The following LHFPL3 variants were observed in gnomAD, a reference collection of about 807,000 sequenced individuals.
LHFPL3 encodes the protein LHFPL tetraspan subfamily member 3.
Under a neutral mutation model 19.3 loss-of-function variants are expected in LHFPL3, and 5 were observed. The observed-to-expected ratio is 0.26, with a 90% CI of 0.14 to 0.54. The LOEUF (loss-of-function observed/expected upper bound fraction) is 0.54. Ranked by LOEUF, LHFPL3 falls within the 20% of genes least tolerant of loss-of-function variation. The pLI, the probability that LHFPL3 is intolerant of heterozygous loss-of-function variation, is 0.94. For synonymous variants in LHFPL3, 133 were observed against 126.2 expected (o/e 1.05, Z -0.36); for missense variants, 249 against 307.4 (o/e 0.81, Z 1.42).
intron 1 of LHFPL3, among the ~76,000 whole-genome samples, chr7:104,666,802 G>T (rs1792363184): frequency 1.3e-5 from 2 of 151,922 alleles, no homozygotes; most frequent in Non-Finnish European, 2.9e-5. Context: ...GATTACAGGC[G>T]TGAGCCACCA....
chr7:104,707,891 C>T (rs145461916), intron 1 of LHFPL3, among the ~76,000 whole-genome samples: 139 of 152,242 alleles, frequency 9.1e-4, no homozygotes, highest in African/African-American at 3.0e-3. Context: ...CAAGTCTGAC[C>T]AAAGCTGAGA....
chr7:104,496,129 C>A (rs1421177485), intron 1 of LHFPL3, among the ~76,000 whole-genome samples: 2 of 152,154 alleles, frequency 1.3e-5, no homozygotes, highest in Admixed American at 6.5e-5. Context: ...TTCCCCCCAC[C>A]CCACAATAGT....
intron 2 of LHFPL3, among the ~76,000 whole-genome samples, chr7:104,806,477 T>C (rs941572331): frequency 3.9e-5 from 6 of 152,226 alleles, no homozygotes; most frequent in Non-Finnish European, 8.8e-5. Context: ...TTTTAGATTC[T>C]GGGAAACAGA....
At chr7:104,728,257 A>T (rs571591888) in intron 1 of LHFPL3, among the ~76,000 whole-genome samples, 18 of 152,244 alleles carry the variant, frequency 1.2e-4, no homozygotes, top group Middle Eastern at 3.4e-3. Context: ...GTAGGTGCCC[A>T]TTCCTGTGTT....
At chr7:104,843,517 C>T (rs1266515887) in intron 2 of LHFPL3, among the ~76,000 whole-genome samples, 3 of 152,226 alleles carry the variant, frequency 2.0e-5, no homozygotes, top group South Asian at 2.1e-4. Flanking sequence ...CTTCCAAGGT[C>T]GCTTTTCATT....
At position 104,714,946 on chromosome 7, in the gene LHFPL3, T is replaced by C. The variant is rs1793360655; in HGVS notation, c.446-21729T>C. On this transcript the variant is annotated intron_variant, in intron 1 of 2. Transcript: ENST00000424859. ...ATATATACACATATATACATATCTA[T>C]ATTTATAGGTACATACTTATATACC... Among the ~76,000 whole-genome samples, 4 of 152,148 alleles carry C rather than the reference T, an allele frequency of 2.6e-5. No individual in the cohort carries two copies. The South Asian group carries it at 8.3e-4, about 32-fold the overall frequency.
At chr7:104,612,430 GCAAAACAAAA>G (rs533621071) in intron 1 of LHFPL3, among the ~76,000 whole-genome samples, 7 of 151,930 alleles carry the variant, frequency 4.6e-5, no homozygotes, top group African/African-American at 1.7e-4. Context: ...CATCCAAGAG[GCAAAACAAAA>G]CAAAACAAAA....
chr7:104,807,231 C>T (rs1395992035), intron 2 of LHFPL3, among the ~76,000 whole-genome samples: 1 of 151,968 alleles, frequency 6.6e-6, no homozygotes, highest in Non-Finnish European at 1.5e-5. Flanking sequence ...GAGAGAGCAC[C>T]ATGTGAAGAT....
At chr7:104,374,557 A>G (rs1025881705) in intron 1 of LHFPL3, among the ~76,000 whole-genome samples, 3 of 152,156 alleles carry the variant, frequency 2.0e-5, no homozygotes, top group African/African-American at 7.2e-5. Flanking sequence ...ATGTATATTA[A>G]AGTTTCCTTG....
intron 1 of LHFPL3, among the ~76,000 whole-genome samples, chr7:104,578,181 G>T (rs1324165333): frequency 6.6e-6 from 1 of 152,226 alleles, no homozygotes; most frequent in Non-Finnish European, 1.5e-5. Context: ...GAAAGTCACT[G>T]ATTTATGTCT....
chr7:104,609,335 T>C lies in LHFPL3; in HGVS notation c.446-127340T>C, dbSNP rs371256390. On this transcript the variant is annotated intron_variant, in intron 1 of 2. Coordinates refer to ENST00000424859, the MANE Select transcript of LHFPL3 (RefSeq NM_199000.3). ...ATCTTAATGGGGATTTAAACTCCTGTATTTTTATTTGCCATTTATAATATT... is the reference window on the plus strand; with the variant it reads ...ATCTTAATGGGGATTTAAACTCCTGCATTTTTATTTGCCATTTATAATATT... Among the ~76,000 whole-genome samples the C allele has an allele frequency of 2.0e-5, 3 of 152,192 alleles. No homozygotes were observed. The East Asian group carries it at 5.8e-4, about 29-fold the overall frequency.
At chr7:104,465,405 A>G (rs570635299) in intron 1 of LHFPL3, among the ~76,000 whole-genome samples, 1 of 152,258 alleles carries the variant, frequency 6.6e-6, no homozygotes, top group East Asian at 1.9e-4. Context: ...GGGTATTTTT[A>G]CAGCAGCACC....
At chr7:104,538,590 T>C (rs1232790452) in intron 1 of LHFPL3, among the ~76,000 whole-genome samples, 1 of 152,164 alleles carries the variant, frequency 6.6e-6, no homozygotes, top group Non-Finnish European at 1.5e-5. Context: ...ATCACAACAG[T>C]GTTAGAAGGA....
At chr7:104,760,386 T>C (rs1794351867) in intron 2 of LHFPL3, among the ~76,000 whole-genome samples, 1 of 152,216 alleles carries the variant, frequency 6.6e-6, no homozygotes, top group Admixed American at 6.5e-5. Context: ...CCTTCTTAAT[T>C]AATTATTAAA....
chr7:104,750,065 C>T (rs1794133151), intron 2 of LHFPL3, among the ~76,000 whole-genome samples: 1 of 152,138 alleles, frequency 6.6e-6, no homozygotes, highest in South Asian at 2.1e-4. Context: ...AAATCTCGAC[C>T]CCACAGATTA....
intron 1 of LHFPL3, among the ~76,000 whole-genome samples, chr7:104,430,383 C>CATATGTATATATATATATATGTATATAT (rs1791941552): frequency 2.5e-5 from 1 of 39,702 alleles, no homozygotes; most frequent in Non-Finnish European, 4.0e-5. Context: ...TATATATATA[C>CATATGTATATATATATATATGTATATAT]ATATATATAT....
chr7:104,602,122 G>A (rs763668467), intron 1 of LHFPL3, among the ~76,000 whole-genome samples: 52 of 133,456 alleles, frequency 3.9e-4, no homozygotes, highest in Admixed American at 4.4e-4. Flanking sequence ...CTGGATTCAA[G>A]CAATTCTCCT....
chr7:104,673,120 C>G (rs1584473510), intron 1 of LHFPL3, among the ~76,000 whole-genome samples: 1 of 152,190 alleles, frequency 6.6e-6, no homozygotes, highest in African/African-American at 2.4e-5. Flanking sequence ...GTTACAGCCT[C>G]CTCCTTCATG....
chr7:104,662,431 C>A (rs575108521), intron 1 of LHFPL3, among the ~76,000 whole-genome samples: 1 of 152,270 alleles, frequency 6.6e-6, no homozygotes, highest in South Asian at 2.1e-4. Context: ...TATTAATTTC[C>A]ATTTTGCAGA....
Sources: allele counts gnomAD v4.1 joint callset (sites outside exome capture counted in the v4.1 genomes callset), GRCh38; gene constraint gnomAD v4.1.1; transcripts MANE v1.5; gene names NCBI Gene and HGNC (gene_info 2026-07-23, HGNC 2026-07-21).